The following MSI2 variants were observed in gnomAD, a reference collection of about 807,000 sequenced individuals.
MSI2 encodes musashi RNA binding protein 2, also known as RNA-binding protein Musashi homolog 2.
In MSI2, 17 loss-of-function variants were observed where a neutral mutation model predicts 45.6. The ratio of observed to expected loss-of-function variants is 0.37; its 90% CI spans 0.26 to 0.56. The LOEUF is 0.56. Among genes scored for constraint, MSI2 ranks in the 20% least tolerant of loss-of-function variants. The pLI, the probability that MSI2 is intolerant of heterozygous loss-of-function variation, is 0.77. For synonymous variants in MSI2, 156 were observed against 158.2 expected, an observed-to-expected ratio of 0.99 and a Z score of 0.11; for missense variants, 293 against 444.2, an observed-to-expected ratio of 0.66 and a Z score of 3.06.
intron 6 of MSI2, among the ~76,000 whole-genome samples, chr17:57,453,099 G>A (rs2085049536): frequency 6.6e-6 from 1 of 150,992 alleles, no homozygotes; most frequent in African/African-American, 2.4e-5. Flanking sequence ...CACCTCCTGG[G>A]TTCAAGTGAT....
intron 5 of MSI2, among the ~76,000 whole-genome samples, chr17:57,320,680 C>CT (rs1167036264): frequency 6.6e-6 from 1 of 152,172 alleles, no homozygotes; most frequent in Non-Finnish European, 1.5e-5. Context: ...AAGCTTTCCT[C>CT]TTGCTTTCTT....
intron 10 of MSI2, chr17:57,632,373 A>T: frequency 9.4e-7 from 1 of 1,066,214 alleles, no homozygotes; most frequent in Non-Finnish European, 1.1e-6. Context: ...TATAAACACT[A>T]TCTGACTATC....
chr17:57,525,257 T>C (rs1363091507), intron 6 of MSI2, among the ~76,000 whole-genome samples: 3 of 152,084 alleles, frequency 2.0e-5, no homozygotes, highest in Non-Finnish European at 4.4e-5. Context: ...TAAATGTTAC[T>C]TTACTTTGCT....
chr17:57,526,781 C>A (rs2086711637), intron 6 of MSI2, among the ~76,000 whole-genome samples: 1 of 152,214 alleles, frequency 6.6e-6, no homozygotes, highest in South Asian at 2.1e-4. Flanking sequence ...CTAGCTCCTT[C>A]TTAGATGTTG....
intron 6 of MSI2, among the ~76,000 whole-genome samples, chr17:57,467,319 A>G (rs1057103362): frequency 1.6e-4 from 24 of 152,210 alleles, no homozygotes; most frequent in African/African-American, 5.5e-4. Flanking sequence ...CTTGAAAAGC[A>G]TTGGATGGAT....
At chr17:57,329,160 T>C (rs1042065896) in intron 5 of MSI2, among the ~76,000 whole-genome samples, 5 of 152,190 alleles carry the variant, frequency 3.3e-5, no homozygotes, top group Non-Finnish European at 7.3e-5. Flanking sequence ...TTGTGTGTTG[T>C]TTCACTTTGC....
chr17:57,387,733 T>C (rs915989028), intron 5 of MSI2, among the ~76,000 whole-genome samples: 6 of 152,192 alleles, frequency 3.9e-5, no homozygotes, highest in African/African-American at 2.4e-5. Context: ...TCCAAGTACT[T>C]TTCCTTCTGT....
At chr17:57,369,108 T>G (rs1374911445) in intron 5 of MSI2, among the ~76,000 whole-genome samples, 2 of 152,230 alleles carry the variant, frequency 1.3e-5, no homozygotes, top group African/African-American at 2.4e-5. Flanking sequence ...TTTGCTCTAC[T>G]GATGGTTGGT....
intron 11 of MSI2, among the ~76,000 whole-genome samples, chr17:57,665,234 C>T (rs929420614): frequency 2.0e-5 from 3 of 152,194 alleles, no homozygotes; most frequent in African/African-American, 7.2e-5. Flanking sequence ...CTGTCTCTCT[C>T]GAGGACAGGC....
rs116384625 is a variant in MSI2, at chr17:57,570,049, T to A, written c.455-26819T>A. On this transcript the variant is annotated intron_variant, in intron 7 of 13. Transcript: ENST00000284073. The stretch of plus-strand genomic sequence containing the variant: ...TACAAAGCAAACTGAAAGGAAATTA[T>A]GGGACGCTCATATGATGGATGATTA... Among the ~76,000 whole-genome samples, 794 of 152,310 alleles carry A rather than the reference T, an allele frequency of 5.2e-3. 10 individuals are homozygous for A. The highest frequency in any genetic ancestry group is 0.019 in the African/African-American group (770 of 41,556).
chr17:57,383,930 G>A (rs2083642278), intron 5 of MSI2, among the ~76,000 whole-genome samples: 1 of 152,232 alleles, frequency 6.6e-6, no homozygotes, highest in African/African-American at 2.4e-5. Flanking sequence ...GCAGCTCAGA[G>A]TTTGCTGATA....
chr17:57,333,189 T>G lies in MSI2; in HGVS notation c.313-68190T>G, dbSNP rs535653748. 4.0e-4 allele frequency among the ~76,000 whole-genome samples: 61 copies of G among 152,256 alleles called. 1 individual carries two copies. In the Middle Eastern group the frequency reaches 0.014, roughly 34 times the overall value. ...GGAAATGATATCCCCTCCCTCCTCATAGCGTTGCTGTGAGAATTAGATGGG... is the reference window on the plus strand; with the variant it reads ...GGAAATGATATCCCCTCCCTCCTCAGAGCGTTGCTGTGAGAATTAGATGGG... On this transcript the variant is annotated intron_variant, in intron 5 of 13. Transcript: ENST00000284073.
At chr17:57,386,256 T>G (rs1201628289) in intron 5 of MSI2, among the ~76,000 whole-genome samples, 2 of 152,202 alleles carry the variant, frequency 1.3e-5, no homozygotes, top group African/African-American at 4.8e-5. Context: ...TTGTGGCACT[T>G]TCTGCTTGGG....
At chr17:57,632,019 A>G (rs3760161) in intron 10 of MSI2, 295,698 of 1,297,412 alleles carry the variant, frequency 0.23, 33,985 homozygotes, top group East Asian at 0.39. Context: ...TCACTCAATT[A>G]AAAAAAAATT....
Position 57,680,246 on chromosome 17 carries a change from A to T in MSI2, c.*729A>T. Reference sequence around the variant, plus strand: ...TATTTTCGGCAATAAGGTAAGGACGACAGTGTTTTGAGTGTCCTCCTTTTC... The same window carrying T: ...TATTTTCGGCAATAAGGTAAGGACGTCAGTGTTTTGAGTGTCCTCCTTTTC... On this transcript the variant is annotated 3_prime_UTR_variant, in exon 14 of 14. Transcript: ENST00000284073. The T allele has an allele frequency of 4.4e-6, 1 of 229,290 alleles. No homozygotes were observed. The highest frequency in any genetic ancestry group is 8.7e-6 in the Non-Finnish European group (1 of 115,572). The allele number at this position is 229,290 out of a possible 1,614,324, so 14.2% of individuals were successfully genotyped here. A position where few individuals can be genotyped will look rare whatever the true frequency, so the allele number is the denominator to read the frequency against.
chr17:57,569,373 G>A, intron 7 of MSI2, among the ~76,000 whole-genome samples: 1 of 152,206 alleles, frequency 6.6e-6, no homozygotes, highest in East Asian at 1.9e-4. Context: ...CTCTGCCCCA[G>A]CCTGGAGTTT....
chr17:57,398,903 T>C (rs571795572), intron 5 of MSI2, among the ~76,000 whole-genome samples: 1 of 150,890 alleles, frequency 6.6e-6, no homozygotes, highest in Non-Finnish European at 1.5e-5. Flanking sequence ...GGCTAATCAT[T>C]ATATCTTCAT....
intron 10 of MSI2, chr17:57,631,448 C>G (rs141042750): frequency 1.9e-5 from 5 of 268,598 alleles, no homozygotes; most frequent in Admixed American, 5.4e-5. Context: ...TGGGGCTGCA[C>G]GGACCTTCCT....
In MSI2 at chr17:57,256,800, C is replaced by T; in HGVS notation, c.58C>T (p.Pro20Ser). The T allele has an allele frequency of 1.4e-6, 2 of 1,474,682 alleles. No individual in the cohort carries two copies. Among genetic ancestry groups the T allele is most frequent in the Non-Finnish European group, 1.8e-6 (2 of 1,114,828 alleles). 91.3% of individuals were successfully genotyped at this position (1,474,682 alleles called of 1,614,324 possible). The part of the protein sequence containing the change: ...SGSANDSQHD[P>S]GKMFIGGLSW... ...CAGCGCCAACGACTCCCAGCACGACCCCGGGTAAGTTTCCAGCCGCTGCCC... is the reference window on the plus strand; with the variant it reads ...CAGCGCCAACGACTCCCAGCACGACTCCGGGTAAGTTTCCAGCCGCTGCCC... Residue 20 changes from proline (P) to serine (S), a missense_variant, in exon 1 of 14, where the codon CCC becomes TCC. Physicochemically the swap from Pro to Ser is moderately conservative, Grantham distance 74. Transcript: ENST00000284073.
Sources: gnomAD v4.1 joint callset for allele counts (sites outside exome capture counted in the v4.1 genomes callset) on GRCh38, gnomAD v4.1.1 for gene constraint, MANE v1.5 for transcripts, NCBI Gene and HGNC (gene_info 2026-07-23, HGNC 2026-07-21) for gene names.